The following TENM4 variants were observed in gnomAD, a reference collection of about 807,000 sequenced individuals.
The protein encoded by TENM4 is teneurin transmembrane protein 4.
A neutral mutation model predicts 243.3 loss-of-function variants in TENM4; 82 were observed. The ratio of observed to expected loss-of-function variants is 0.34; its 90% CI spans 0.28 to 0.40. The LOEUF is 0.40. TENM4 is among the 10% of genes least tolerant of loss of function. The pLI is 1.00. For synonymous variants in TENM4, 1,412 were observed against 1,456.3 expected (o/e 0.97, Z 0.69); for missense variants, 3,138 against 3,673.3 (o/e 0.85, Z 3.77).
At chr11:79,130,884 C>T (rs1237661990) in intron 4 of TENM4, among the ~76,000 whole-genome samples, 2 of 151,972 alleles carry the variant, frequency 1.3e-5, no homozygotes, top group Admixed American at 1.3e-4. Context: ...ATGCAAAATG[C>T]TCTGGAAAGT....
intron 1 of TENM4, among the ~76,000 whole-genome samples, chr11:79,431,708 C>T (rs1239917548): frequency 6.6e-6 from 1 of 152,196 alleles, no homozygotes; most frequent in Non-Finnish European, 1.5e-5. Context: ...TGTAGTCATA[C>T]ATCATTTAAA....
At chr11:79,333,879 A>C (rs1319427346) in intron 1 of TENM4, among the ~76,000 whole-genome samples, 1 of 152,228 alleles carries the variant, frequency 6.6e-6, no homozygotes, top group African/African-American at 2.4e-5. Context: ...TGTGAGCTCA[A>C]GGCTGTCTGG....
intron 6 of TENM4, among the ~76,000 whole-genome samples, chr11:79,055,901 A>G (rs772773505): frequency 1.3e-5 from 2 of 152,190 alleles, no homozygotes; most frequent in Non-Finnish European, 2.9e-5. Flanking sequence ...GCTCAGAGAG[A>G]AGTGACTAGG....
intron 2 of TENM4, among the ~76,000 whole-genome samples, chr11:79,217,993 G>C (rs1420342838): frequency 2.0e-5 from 3 of 152,164 alleles, no homozygotes; most frequent in Non-Finnish European, 4.4e-5. Context: ...TGGGATTACA[G>C]GTGTGAGCCA....
intron 3 of TENM4, among the ~76,000 whole-genome samples, chr11:79,171,629 T>C (rs1863042472): frequency 6.6e-6 from 1 of 152,062 alleles, no homozygotes; most frequent in Non-Finnish European, 1.5e-5. Context: ...CATTCTAGGG[T>C]TGGGAGCCAC....
At position 78,805,277 on chromosome 11, in the gene TENM4, T is replaced by TCCCCACCCCCCCCCCCCCCC; in HGVS notation, c.2179+14_2179+15insGGGGGGGGGGGGGGGTGGGG. On this transcript the variant is annotated intron_variant, in intron 15 of 33. Transcript: ENST00000278550. ...CCCCTCCCTCTACCCATGCTTCTTC[T>TCCCCACCCCCCCCCCCCCCC]CCCCCTGCATTTACCGATAGAACAG... 4 of 1,402,546 alleles carry TCCCCACCCCCCCCCCCCCCC rather than the reference T, an allele frequency of 2.9e-6. No individual in the cohort carries two copies. The highest frequency in any genetic ancestry group is 2.9e-6 in the Non-Finnish European group (3 of 1,033,112). 86.9% of individuals were successfully genotyped at this position (1,402,546 alleles called of 1,614,324 possible).
chr11:79,069,617 A>G (rs1055681072), intron 5 of TENM4, 105 bp downstream of exon 5: 52 of 1,401,308 alleles, frequency 3.7e-5, no homozygotes, highest in Non-Finnish European at 4.8e-5. Context: ...CTGGTGTTCC[A>G]GCTCACCTGT....
chr11:78,770,820 T>C (rs1856630776), intron 18 of TENM4, among the ~76,000 whole-genome samples, 172 bp downstream of exon 18: 1 of 152,232 alleles, frequency 6.6e-6, no homozygotes. Flanking sequence ...ATGGAACACC[T>C]GTGATATGCA....
intron 4 of TENM4, among the ~76,000 whole-genome samples, chr11:79,136,875 A>T (rs1278394016): frequency 6.6e-6 from 1 of 152,128 alleles, no homozygotes; most frequent in African/African-American, 2.4e-5. Flanking sequence ...GGATTGATAG[A>T]ATGGTGGAAT....
intron 1 of TENM4, among the ~76,000 whole-genome samples, chr11:79,427,470 G>A (rs1387924059): frequency 2.0e-5 from 3 of 152,158 alleles, no homozygotes; most frequent in Non-Finnish European, 2.9e-5. Flanking sequence ...GGAAACGATC[G>A]TGATAGATTA....
chr11:78,896,194 G>A (rs1356508277), intron 7 of TENM4, among the ~76,000 whole-genome samples: 1 of 152,164 alleles, frequency 6.6e-6, no homozygotes, highest in East Asian at 1.9e-4. Flanking sequence ...ACAAAGCCAC[G>A]GGACAGCCAC....
At chr11:79,225,340 C>G (rs915736767) in intron 2 of TENM4, among the ~76,000 whole-genome samples, 5 of 152,200 alleles carry the variant, frequency 3.3e-5, no homozygotes, top group African/African-American at 1.2e-4. Flanking sequence ...GTTCCAATTA[C>G]AATTCTCCTG....
intron 6 of TENM4, among the ~76,000 whole-genome samples, chr11:79,028,794 T>G (rs1370800387): frequency 6.6e-6 from 1 of 152,210 alleles, no homozygotes; most frequent in Non-Finnish European, 1.5e-5. Flanking sequence ...AAGGCAAGGT[T>G]GGTGTTAGTA....
At chr11:79,020,685 A>G (rs991654439) in intron 6 of TENM4, among the ~76,000 whole-genome samples, 2 of 152,124 alleles carry the variant, frequency 1.3e-5, no homozygotes, top group Admixed American at 1.3e-4. Flanking sequence ...ACAATGTTCA[A>G]ACCACTTGGG....
At chr11:79,046,994 A>G (rs1050515167) in intron 6 of TENM4, among the ~76,000 whole-genome samples, 1 of 152,182 alleles carries the variant, frequency 6.6e-6, no homozygotes, top group African/African-American at 2.4e-5. Context: ...TAATCTATAC[A>G]TATTTATGGA....
chr11:78,876,641 A>G (rs185185554), intron 9 of TENM4, among the ~76,000 whole-genome samples: 1 of 152,320 alleles, frequency 6.6e-6, no homozygotes, highest in Non-Finnish European at 1.5e-5. Flanking sequence ...ATATACCTTT[A>G]TCATCTGCAT....
chr11:78,819,675 C>T (rs949365), intron 12 of TENM4, among the ~76,000 whole-genome samples: 58,670 of 152,052 alleles, frequency 0.39, 11,855 homozygotes, highest in African/African-American at 0.5. Flanking sequence ...CCACTCGACA[C>T]TCTCATTCTC....
chr11:79,151,749 C>T (rs184791320), intron 3 of TENM4, among the ~76,000 whole-genome samples: 30 of 152,170 alleles, frequency 2.0e-4, no homozygotes, highest in African/African-American at 5.5e-4. Flanking sequence ...TAGACACTCC[C>T]CCTACCCCTC....
At chr11:78,935,072 C>T (rs5013388) in intron 6 of TENM4, among the ~76,000 whole-genome samples, 16,877 of 129,956 alleles carry the variant, frequency 0.13, 2,128 homozygotes, top group African/African-American at 0.34. Flanking sequence ...ACTGCAGTGG[C>T]GCAATCTCGG....
Sources: gnomAD v4.1 joint callset for allele counts (sites outside exome capture counted in the v4.1 genomes callset) on GRCh38, gnomAD v4.1.1 for gene constraint, MANE v1.5 for transcripts, NCBI Gene and HGNC (gene_info 2026-07-23, HGNC 2026-07-21) for gene names.